Variants in ODAD4 observed in about 807,000 individuals in gnomAD.
ODAD4 encodes outer dynein arm docking complex subunit 4, also known as outer dynein arm-docking complex subunit 4.
A neutral mutation model predicts 51.8 loss-of-function variants in ODAD4; 49 were observed. That is an observed-to-expected ratio of 0.95 (90% confidence interval 0.75 to 1.20). ODAD4 has a LOEUF of 1.20. Ranked by LOEUF, ODAD4 falls within the 50% of genes most tolerant of loss-of-function variation. The pLI is 0.00. For synonymous variants in ODAD4, 235 were observed against 221.3 expected, an observed-to-expected ratio of 1.06 and a Z score of -0.55; for missense variants, 590 against 586.5, an observed-to-expected ratio of 1.01 and a Z score of -0.06.
chr17:41,965,486 C>T lies in ODAD4; in HGVS notation c.*3C>T, dbSNP rs559415530. On this transcript the variant is annotated 3_prime_UTR_variant, in exon 12 of 12. Coordinates refer to ENST00000377540, the MANE Select transcript of ODAD4 (RefSeq NM_031421.5). Reference sequence around the variant, plus strand: ...AGATGGAAAAGGAATATGAATGAAGCCATCGGTAGAGATGAGGATCAGGAA... The same window carrying T: ...AGATGGAAAAGGAATATGAATGAAGTCATCGGTAGAGATGAGGATCAGGAA... 10 of 763,648 alleles carry T rather than the reference C, an allele frequency of 1.3e-5. No homozygotes were observed. The East Asian group carries it at 2.2e-4, about 17-fold the overall frequency. The allele number at this position is 763,648 out of a possible 1,614,324, so 47.3% of individuals were successfully genotyped here. A position where few individuals can be genotyped will look rare whatever the true frequency, so the allele number is the denominator to read the frequency against.
intron 1 of ODAD4, 89 bp from the exon 2 acceptor site, chr17:41,935,128 C>A: frequency 1.3e-6 from 2 of 1,492,376 alleles, no homozygotes. Context: ...AAGAAATCCC[C>A]TCTGCAGGAG....
chr17:41,930,901 TTTTTTTTTTG>T, intron 1 of ODAD4, 64 bp downstream of exon 1: 1 of 1,039,138 alleles, frequency 9.6e-7, no homozygotes, highest in Non-Finnish European at 1.4e-6. Flanking sequence ...TTTTTTTTTT[TTTTTTTTTTG>T]TGACGGAGTT....
intron 2 of ODAD4, 74 bp from the exon 3 acceptor site, chr17:41,935,524 AC>A (rs1244714296): frequency 6.5e-7 from 1 of 1,546,538 alleles, no homozygotes; most frequent in Non-Finnish European, 8.8e-7. Context: ...TCAACCCAGG[AC>A]CCTTCTGTTC....
intron 7 of ODAD4, among the ~76,000 whole-genome samples, chr17:41,943,270 A>C (rs186835213): frequency 3.3e-5 from 5 of 152,316 alleles, no homozygotes; most frequent in Admixed American, 3.3e-4. Flanking sequence ...TTAAAAAAGA[A>C]TATGTCTTCC....
At chr17:41,944,420 ACACACACACACACACACACACACAC>A (rs782151628) in intron 7 of ODAD4, among the ~76,000 whole-genome samples, 282 of 16,252 alleles carry the variant, frequency 0.017, 8 homozygotes, top group East Asian at 0.049. Flanking sequence ...ACACACACAC[ACACACACACACACACACACACACAC>A]CCCCCCGCAT....
rs1394100215 is a variant in ODAD4 at position 41,960,645 on chromosome 17, C to T, written c.1444-737C>T. On this transcript the variant is annotated intron_variant, in intron 10 of 11. Transcript: ENST00000377540. ...AGGGTTAGGGGCAGAGAGAAGGTAC[C>T]TGTGACCCTCACTGACTCCTCATGG... 3.3e-5 allele frequency among the ~76,000 whole-genome samples: 5 copies of T among 152,202 alleles called. No homozygotes were observed. The East Asian group carries it at 9.6e-4, about 29-fold the overall frequency.
At chr17:41,949,437 C>T in intron 9 of ODAD4, 88 bp downstream of exon 9, 1 of 397,550 alleles carries the variant, frequency 2.5e-6, no homozygotes, top group Non-Finnish European at 4.4e-6. Context: ...CTGAGTTTAC[C>T]ATCCCAGTGT....
chr17:41,931,691 C>G (rs8077428), intron 1 of ODAD4, among the ~76,000 whole-genome samples: 143,297 of 152,058 alleles, frequency 0.94, 67,570 homozygotes, highest in East Asian at 1. Context: ...ACAGGCATGT[C>G]CCACCACGCC....
chr17:41,955,052 G>A, intron 9 of ODAD4, 165 bp from the exon 10 acceptor site: 1 of 712,150 alleles, frequency 1.4e-6, no homozygotes. Context: ...CGGTGGAAAG[G>A]ATGGTGCTGA....
At chr17:41,931,328 T>C (rs2050334168) in intron 1 of ODAD4, among the ~76,000 whole-genome samples, 5 of 152,218 alleles carry the variant, frequency 3.3e-5, no homozygotes, top group Admixed American at 2.6e-4. Context: ...GGCCATTTTC[T>C]ACCAGTTCCC....
intron 7 of ODAD4, among the ~76,000 whole-genome samples, chr17:41,941,439 C>T (rs2050504293): frequency 1.3e-5 from 2 of 152,292 alleles, no homozygotes; most frequent in South Asian, 4.1e-4. Flanking sequence ...GCTGCCGCCA[C>T]CCATTCTTCA....
At chr17:41,943,117 C>T (rs566618289) in intron 7 of ODAD4, among the ~76,000 whole-genome samples, 5 of 152,284 alleles carry the variant, frequency 3.3e-5, no homozygotes, top group East Asian at 1.9e-4. Flanking sequence ...AGTTGTCCCC[C>T]GCAACCCACT....
chr17:41,930,854 A>C lies in ODAD4; in HGVS notation c.114+17A>C. ...TTCAGCAACGTGAGTCGAGCTCTCAACCTATCCATCACCCCATCACCCGTC... is the reference window on the plus strand; with the variant it reads ...TTCAGCAACGTGAGTCGAGCTCTCACCCTATCCATCACCCCATCACCCGTC... On this transcript the variant is annotated intron_variant, in intron 1 of 11. Transcript: ENST00000377540. 2 of 1,151,238 alleles carry C rather than the reference A, an allele frequency of 1.7e-6. 1 individual carries two copies. Among genetic ancestry groups the C allele is most frequent in the South Asian group, 2.6e-5 (2 of 77,372 alleles). 71.3% of individuals were successfully genotyped at this position (1,151,238 alleles called of 1,614,324 possible).
In ODAD4 at chr17:41,966,446, C is replaced by G. The variant is rs528206217; in HGVS notation, c.*963C>G. The stretch of plus-strand genomic sequence containing the variant: ...TAAAAAAAAAAGTTTTTAATTAATG[C>G]AAAAGTCCATGATGAATAAAATATC... On this transcript the variant is annotated 3_prime_UTR_variant, in exon 12 of 12. Coordinates refer to ENST00000377540, the MANE Select transcript of ODAD4 (RefSeq NM_031421.5). Among the ~76,000 whole-genome samples the G allele has an allele frequency of 2.6e-4, 40 of 152,238 alleles. No individual in the cohort carries two copies. In the South Asian group the frequency reaches 8.3e-3, roughly 32 times the overall value.
rs782173415 is a variant in ODAD4, at chr17:41,935,353, C to CT, written c.246+6dup. The CT allele has an allele frequency of 6.2e-7, 1 of 1,613,452 alleles. No individual in the cohort carries two copies. The highest frequency in any genetic ancestry group is 8.5e-7 in the Non-Finnish European group (1 of 1,179,676). On this transcript the variant is annotated splice_donor_region_variant and intron_variant, in intron 2 of 11. Transcript: ENST00000377540. Reference sequence around the variant, plus strand: ...AGTGACCCAGCTTTCTGTAAGGTGACTGCATGGGCGGGAGGACTGGATCCT... The same window carrying CT: ...AGTGACCCAGCTTTCTGTAAGGTGACTTGCATGGGCGGGAGGACTGGATCCT...
At position 41,938,793 on chromosome 17, in the gene ODAD4, T is replaced by A; in HGVS notation, c.850+12T>A. The stretch of plus-strand genomic sequence containing the variant: ...GGACATTGATATGTGTAGGTGTTGT[T>A]CTCAGAGGGTGGGGCAGGTGCCTCC... On this transcript the variant is annotated intron_variant, in intron 6 of 11. Coordinates refer to ENST00000377540, the MANE Select transcript of ODAD4 (RefSeq NM_031421.5). 6.2e-7 allele frequency: 1 copy of A among 1,611,266 alleles called. No individual in the cohort carries two copies. The highest frequency in any genetic ancestry group is 1.3e-5 in the African/African-American group (1 of 74,996).
chr17:41,933,932 C>T (rs1334168820), intron 1 of ODAD4, among the ~76,000 whole-genome samples: 1 of 151,776 alleles, frequency 6.6e-6, no homozygotes, highest in Non-Finnish European at 1.5e-5. Context: ...TTGCCCTCAA[C>T]CCCACTTTAG....
intron 2 of ODAD4, 83 bp from the exon 3 acceptor site, chr17:41,935,516 A>T (rs1555637597): frequency 6.5e-7 from 1 of 1,529,872 alleles, no homozygotes; most frequent in East Asian, 2.4e-5. Context: ...CTTGACCTTC[A>T]ACCCAGGACC....
intron 9 of ODAD4, among the ~76,000 whole-genome samples, chr17:41,953,349 G>A (rs1171856141): frequency 2.0e-5 from 3 of 150,280 alleles, no homozygotes; most frequent in Admixed American, 6.8e-5. Flanking sequence ...GTGAGCCACC[G>A]CGACTGGCTG....
Sources: gnomAD v4.1 joint callset for allele counts (sites outside exome capture counted in the v4.1 genomes callset) on GRCh38, gnomAD v4.1.1 for gene constraint, MANE v1.5 for transcripts, NCBI Gene and HGNC (gene_info 2026-07-23, HGNC 2026-07-21) for gene names.